The following ISM2 variants were observed in gnomAD, a reference collection of about 807,000 sequenced individuals.
The protein encoded by ISM2 is isthmin-2.
A neutral mutation model predicts 58.0 loss-of-function variants in ISM2; 50 were observed. The observed-to-expected ratio is 0.86, with a 90% CI of 0.69 to 1.09. ISM2 has a LOEUF of 1.09. Among genes scored for constraint, ISM2 ranks in the 50% least tolerant of loss-of-function variants. The probability of loss-of-function intolerance (pLI) is 0.00; values close to 1 mark genes in which losing one functional copy is unlikely to be tolerated. For missense variants in ISM2, 723 were observed against 745.0 expected (o/e 0.97, Z 0.34); for synonymous variants, 303 against 312.4 (o/e 0.97, Z 0.32).
At chr14:77,497,609 G>A (rs963579090) in intron 1 of ISM2, among the ~76,000 whole-genome samples, 6 of 151,448 alleles carry the variant, frequency 4.0e-5, no homozygotes, top group Non-Finnish European at 8.8e-5. Context: ...CTGGAGGATC[G>A]ATTGAGTCCG....
intron 1 of ISM2, among the ~76,000 whole-genome samples, chr14:77,496,579 C>T (rs1027667119): frequency 2.0e-5 from 3 of 150,484 alleles, no homozygotes; most frequent in Non-Finnish European, 3.0e-5. Context: ...GTCAGGAGTT[C>T]GAGACCAGCC....
At chr14:77,480,397 T>G (rs2079124310) in intron 4 of ISM2, among the ~76,000 whole-genome samples, 1 of 151,808 alleles carries the variant, frequency 6.6e-6, no homozygotes, top group East Asian at 1.9e-4. Context: ...GCCCAAATCC[T>G]CAGGGTGTGC....
At chr14:77,491,997 C>G (rs1404504436) in intron 1 of ISM2, among the ~76,000 whole-genome samples, 2 of 150,212 alleles carry the variant, frequency 1.3e-5, no homozygotes, top group Non-Finnish European at 3.0e-5. Context: ...CCCAGCCCCC[C>G]ACCTTTTTTT....
rs1035170515 is a variant in ISM2 at position 77,475,372 on chromosome 14, G to A, written c.*223C>T. On this transcript the variant is annotated 3_prime_UTR_variant, in exon 7 of 7. Coordinates refer to ENST00000342219, the MANE Select transcript of ISM2 (RefSeq NM_199296.3). This position sits in a 1 kb window ranked among gnomAD's most constrained non-coding sequence, Gnocchi z 4.1. ...CATATGCACATTTCCAGGGCTCCCAGGGACACCCACCCTGGGCCCTACATA... is the reference window on the plus strand; with the variant it reads ...CATATGCACATTTCCAGGGCTCCCAAGGACACCCACCCTGGGCCCTACATA... The A allele has an allele frequency of 2.2e-6, 1 of 444,528 alleles. No homozygotes were observed. Among genetic ancestry groups the A allele is most frequent in the African/African-American group, 2.0e-5 (1 of 49,852 alleles). The allele number at this position is 444,528 out of a possible 1,614,324, so 27.5% of individuals were successfully genotyped here.
At chr14:77,496,799 GAAAAAAAAAAAAAAAAAAAAAAA>G (rs772342344) in intron 1 of ISM2, among the ~76,000 whole-genome samples, 12 of 25,786 alleles carry the variant, frequency 4.7e-4, no homozygotes, top group East Asian at 2.9e-3. Flanking sequence ...TCCATCTCAG[GAAAAAAAAAAAAAAAAAAAAAAA>G]AAAAAAAAAA....
chr14:77,491,689 G>GTATTTTTT (rs1566758519), intron 1 of ISM2, among the ~76,000 whole-genome samples: 1 of 137,326 alleles, frequency 7.3e-6, no homozygotes, highest in African/African-American at 2.7e-5. Flanking sequence ...ACCGCGTCTG[G>GTATTTTTT]TCTTTTTTTT....
Position 77,484,825 on chromosome 14 carries a change from C to T in ISM2, c.236G>A (p.Gly79Glu). ...TGCTGGCTCAGTGACAGTCCAGCAT[C>T]CATGTTGGTGTGGCTCTGCCTGCAG... Reference protein sequence around the residue: ...THLQAEPHQHGCWTVTEPAAM... With the variant: ...THLQAEPHQHECWTVTEPAAM... The change falls in exon 2 of 7, where the codon GGA becomes GAA. Residue 79 changes from glycine (G) to glutamate (E), a missense_variant. By Grantham distance (98) the Gly-to-Glu change is moderately conservative. Transcript: ENST00000342219. The T allele has an allele frequency of 6.2e-7, 1 of 1,610,450 alleles. No individual in the cohort carries two copies. Among genetic ancestry groups the T allele is most frequent in the Non-Finnish European group, 8.5e-7 (1 of 1,178,772 alleles).
chr14:77,475,667 G>A lies in ISM2; in HGVS notation c.1644C>T (p.Asn548=), dbSNP rs764861643. The A allele has an allele frequency of 2.4e-5, 38 of 1,613,582 alleles. 1 individual carries two copies. The highest frequency in any genetic ancestry group is 1.1e-4 in the South Asian group (10 of 91,000). The change falls in exon 7 of 7, where the codon AAC becomes AAT. Residue 548 remains asparagine, a synonymous_variant. Transcript: ENST00000342219. This position sits in a 1 kb window ranked among gnomAD's most constrained non-coding sequence, Gnocchi z 4.1. The part of the protein sequence containing the change: ...SRLHAVLPPN[N]GRACTDNPLE... Reference sequence around the variant, plus strand: ...GGGGGTTGTCGGTGCAGGCTCGGCCGTTGTTGGGAGGGAGCACAGCGTGGA... The same window carrying A: ...GGGGGTTGTCGGTGCAGGCTCGGCCATTGTTGGGAGGGAGCACAGCGTGGA...
chr14:77,495,855 A>G (rs2079236345), intron 1 of ISM2, among the ~76,000 whole-genome samples: 1 of 152,202 alleles, frequency 6.6e-6, no homozygotes, highest in Non-Finnish European at 1.5e-5. Flanking sequence ...GTCTTAAGAT[A>G]TTACAATGGT....
At position 77,475,728 on chromosome 14, in the gene ISM2, G is replaced by A. The variant is rs768825935; in HGVS notation, c.1583C>T (p.Thr528Met). Residue 528 changes from threonine (T) to methionine (M), a missense_variant, in exon 7 of 7, where the codon ACG (threonine) becomes ATG (methionine). Coordinates refer to ENST00000342219, the MANE Select transcript of ISM2 (RefSeq NM_199296.3). This position sits in a 1 kb window ranked among gnomAD's most constrained non-coding sequence, Gnocchi z 4.1. The part of the protein sequence containing the change: ...SPKLHFKFDT[T>M]PWILCKGDWS... Reference sequence around the variant, plus strand: ...GTCCCCCTTGCACAGGATCCAGGGCGTCGTGTCGAACTTGAAGTGCAGCTT... The same window carrying A: ...GTCCCCCTTGCACAGGATCCAGGGCATCGTGTCGAACTTGAAGTGCAGCTT... 14 of 1,613,986 alleles carry A rather than the reference G, an allele frequency of 8.7e-6. No homozygotes were observed. Among genetic ancestry groups the A allele is most frequent in the African/African-American group, 5.3e-5 (4 of 74,938 alleles).
Position 77,476,061 on chromosome 14 carries a change from T to C in ISM2, c.1250A>G (p.Lys417Arg). The part of the protein sequence containing the change: ...WLNCKSDFLI[K>R]YLSQMLRDLP... ...GTCCCGCAGCATCTGGCTCAGATACTTGATTAGGAAGTCGCTCTTGCAGTT... is the reference window on the plus strand; with the variant it reads ...GTCCCGCAGCATCTGGCTCAGATACCTGATTAGGAAGTCGCTCTTGCAGTT... Residue 417 changes from lysine (K) to arginine (R), a missense_variant, in exon 7 of 7, where the codon AAG (lysine) becomes AGG (arginine). Transcript: ENST00000342219. The C allele has an allele frequency of 6.5e-7, 1 of 1,533,468 alleles. No homozygotes were observed. Among genetic ancestry groups the C allele is most frequent in the East Asian group, 2.3e-5 (1 of 44,136 alleles). The allele number at this position is 1,533,468 out of a possible 1,614,324, so 95.0% of individuals were successfully genotyped here.
At chr14:77,483,034 G>A (rs2079142721) in intron 3 of ISM2, 1 of 194,628 alleles carries the variant, frequency 5.1e-6, no homozygotes, top group Non-Finnish European at 1.0e-5. Context: ...TGCTGGACCT[G>A]GGCAGCTCTG....
intron 6 of ISM2, among the ~76,000 whole-genome samples, chr14:77,477,527 C>T (rs1436335525): frequency 6.6e-6 from 1 of 152,216 alleles, no homozygotes; most frequent in Non-Finnish European, 1.5e-5. Context: ...AAACAAACTG[C>T]TCCTTCCTCT....
intron 4 of ISM2, among the ~76,000 whole-genome samples, chr14:77,480,539 A>G (rs1027196322): frequency 7.2e-6 from 1 of 139,564 alleles, no homozygotes; most frequent in South Asian, 2.2e-4. Context: ...AAAACACGGA[A>G]ATTTTTTCCT....
intron 6 of ISM2, among the ~76,000 whole-genome samples, chr14:77,477,437 G>A (rs2079105400): frequency 6.6e-6 from 1 of 152,226 alleles, no homozygotes; most frequent in Admixed American, 6.5e-5. Flanking sequence ...TTTTGACTGG[G>A]AGTGAAGGAG....
At chr14:77,482,778 A>C in intron 3 of ISM2, 111 bp from the exon 4 acceptor site, 1 of 667,196 alleles carries the variant, frequency 1.5e-6, no homozygotes, top group Non-Finnish European at 2.5e-6. Context: ...CCTTTCCTTC[A>C]AACCAGCTGT....
rs1175090870 is a variant in ISM2 at position 77,475,930 on chromosome 14, G to GGCCACTGGCATCCCTCC, written c.1364_1380dup (p.Pro461GlyfsTer47). ...TGGTAGATGTCCAGGCGCTCGCGAG[G>GGCCACTGGCATCCCTCC]GCCACTGGCATCCCTCCACCGGAAG... On this transcript the variant is annotated frameshift_variant, in exon 7 of 7. Coordinates refer to ENST00000342219, the MANE Select transcript of ISM2 (RefSeq NM_199296.3). LOFTEE classifies it high-confidence loss of function. The surrounding 1 kb of genome is among the most constrained non-coding windows in gnomAD (Gnocchi z 4.1). 6.3e-7 allele frequency: 1 copy of GGCCACTGGCATCCCTCC among 1,599,732 alleles called. No homozygotes were observed. Among genetic ancestry groups the GGCCACTGGCATCCCTCC allele is most frequent in the East Asian group, 2.2e-5 (1 of 44,868 alleles).
rs1476823511 is a variant in ISM2 at position 77,478,344 on chromosome 14, C to A, written c.1115-19G>T. 6 of 1,607,166 alleles carry A rather than the reference C, an allele frequency of 3.7e-6. No individual in the cohort carries two copies. The highest frequency in any genetic ancestry group is 5.1e-6 in the Non-Finnish European group (6 of 1,174,100). ...TCAGTGCCTTTGGGAGGAAAGGAGG[C>A]CAGGCTGGTGGCTCCGCAGGCCACC... On this transcript the variant is annotated intron_variant, in intron 5 of 6. Transcript: ENST00000342219.
chr14:77,498,734 C>T lies in ISM2; in HGVS notation c.60G>A (p.Leu20=). ...CGGGGAGCCCTAGCGCCGCCTCCAG[C>T]AGCGCCGCCAGCAGCAGCACGCAGA... The part of the protein sequence containing the change: ...LLLCVLLLAA[L]LEAALGLPVK... The change falls in exon 1 of 7, where the codon CTG becomes CTA. Residue 20 remains leucine, a synonymous_variant. Transcript: ENST00000342219. 6.7e-7 allele frequency: 1 copy of T among 1,482,132 alleles called. No homozygotes were observed. Among genetic ancestry groups the T allele is most frequent in the Non-Finnish European group, 8.9e-7 (1 of 1,124,898 alleles). 91.8% of individuals were successfully genotyped at this position (1,482,132 alleles called of 1,614,324 possible).
Sources: gnomAD v4.1 joint callset for allele counts (sites outside exome capture counted in the v4.1 genomes callset) on GRCh38, gnomAD v4.1.1 for gene constraint, Gnocchi (gnomAD v3.1) non-coding constraint, MANE v1.5 for transcripts, NCBI Gene and HGNC (gene_info 2026-07-23, HGNC 2026-07-21) for gene names.